SLC25A21: variants seen among roughly 807,000 people sequenced by gnomAD.
The protein encoded by SLC25A21 is mitochondrial 2-oxodicarboxylate carrier.
A neutral mutation model predicts 43.8 loss-of-function variants in SLC25A21; 47 were observed. The observed-to-expected ratio is 1.07, with a 90% CI of 0.85 to 1.37. SLC25A21 has a LOEUF of 1.37. SLC25A21 is among the 40% of genes most tolerant of loss of function. The pLI, the probability that SLC25A21 is intolerant of heterozygous loss-of-function variation, is 0.00. For synonymous variants in SLC25A21, 131 were observed against 121.3 expected, an observed-to-expected ratio of 1.08 and a Z score of -0.52; for missense variants, 352 against 350.2, an observed-to-expected ratio of 1.00 and a Z score of -0.04.
At chr14:36,950,083 G>C (rs1892770561) in intron 1 of SLC25A21, among the ~76,000 whole-genome samples, 1 of 152,194 alleles carries the variant, frequency 6.6e-6, no homozygotes. Context: ...TGTTCTGACA[G>C]AGCATCTTAG....
chr14:36,781,279 C>T (rs548206244), intron 3 of SLC25A21, among the ~76,000 whole-genome samples: 4 of 152,068 alleles, frequency 2.6e-5, no homozygotes, highest in Non-Finnish European at 5.9e-5. Flanking sequence ...TTTTTAAATC[C>T]GTTCAGCCAC....
intron 1 of SLC25A21, among the ~76,000 whole-genome samples, chr14:37,155,889 T>C (rs906373809): frequency 6.6e-6 from 1 of 152,154 alleles, no homozygotes; most frequent in Non-Finnish European, 1.5e-5. Context: ...CCAGCCCTGA[T>C]GGTTCATGCC....
At chr14:36,683,969 A>T in intron 8 of SLC25A21, 89 bp from the exon 9 acceptor site, 2 of 903,194 alleles carry the variant, frequency 2.2e-6, no homozygotes, top group South Asian at 1.7e-5. Context: ...CCCAGCATTT[A>T]AAAAAATAAA....
At chr14:36,863,801 C>G (rs191027609) in intron 2 of SLC25A21, among the ~76,000 whole-genome samples, 1 of 152,214 alleles carries the variant, frequency 6.6e-6, no homozygotes, top group African/African-American at 2.4e-5. Context: ...AGTGGGCGTG[C>G]GTGGAGCACT....
At chr14:36,923,527 A>G (rs1319775131) in intron 1 of SLC25A21, among the ~76,000 whole-genome samples, 1 of 152,184 alleles carries the variant, frequency 6.6e-6, no homozygotes, top group African/African-American at 2.4e-5. Flanking sequence ...GAGTAAATGT[A>G]AAATCATTTT....
At chr14:37,013,953 T>G (rs2138743009) in intron 1 of SLC25A21, among the ~76,000 whole-genome samples, 1 of 152,240 alleles carries the variant, frequency 6.6e-6, no homozygotes, top group South Asian at 2.1e-4. Context: ...TTCTATTAAG[T>G]GTTAAATAGC....
chr14:36,735,930 A>ATTTTTTTTTTTTTTTTTTTTTTT (rs776933723), intron 3 of SLC25A21, among the ~76,000 whole-genome samples: 1 of 84,302 alleles, frequency 1.2e-5, no homozygotes, highest in Non-Finnish European at 2.1e-5. Context: ...TCTGGCCACA[A>ATTTTTTTTTTTTTTTTTTTTTTT]TTTTTTTTTT....
At chr14:37,040,511 G>T (rs1188962468) in intron 1 of SLC25A21, among the ~76,000 whole-genome samples, 3 of 151,914 alleles carry the variant, frequency 2.0e-5, no homozygotes, top group Non-Finnish European at 4.4e-5. Flanking sequence ...ATGGGTAGAG[G>T]GAGCTGACGA....
Position 36,678,775 on chromosome 14 carries a change from C to A in SLC25A21, c.*1883G>T. 1.9e-6 allele frequency: 2 copies of A among 1,068,642 alleles called. No homozygotes were observed. The highest frequency in any genetic ancestry group is 2.3e-6 in the Non-Finnish European group (2 of 874,020). The allele number at this position is 1,068,642 out of a possible 1,614,324, so 66.2% of individuals were successfully genotyped here. A position where few individuals can be genotyped will look rare whatever the true frequency, so the allele number is the denominator to read the frequency against. ...TTCTGGTTCTTGTATTTTAAAAAAT[C>A]TAATATTAATGGTATTGAAGTTTCC... On this transcript the variant is annotated 3_prime_UTR_variant, in exon 10 of 10. Coordinates refer to ENST00000331299, the MANE Select transcript of SLC25A21 (RefSeq NM_030631.4).
At chr14:36,913,999 G>A (rs892943479) in intron 1 of SLC25A21, among the ~76,000 whole-genome samples, 4 of 152,082 alleles carry the variant, frequency 2.6e-5, no homozygotes, top group East Asian at 1.9e-4. Flanking sequence ...ATATAACATC[G>A]AACTATTATA....
At chr14:36,798,699 A>G (rs1160073871) in intron 3 of SLC25A21, among the ~76,000 whole-genome samples, 3 of 152,122 alleles carry the variant, frequency 2.0e-5, no homozygotes, top group Non-Finnish European at 2.9e-5. Context: ...AAAGATGCCG[A>G]TATCTTTTTG....
chr14:36,919,898 T>C (rs893364723), intron 1 of SLC25A21, among the ~76,000 whole-genome samples: 2 of 152,066 alleles, frequency 1.3e-5, no homozygotes, highest in African/African-American at 2.4e-5. Context: ...ATCTTGCCAA[T>C]AAATTTCATT....
At chr14:36,733,171 A>G (rs993533642) in intron 4 of SLC25A21, among the ~76,000 whole-genome samples, 4 of 152,242 alleles carry the variant, frequency 2.6e-5, no homozygotes, top group Non-Finnish European at 5.9e-5. Context: ...TTATCTATAC[A>G]TGTAACTCAC....
chr14:37,100,935 T>C (rs963015208), intron 1 of SLC25A21, among the ~76,000 whole-genome samples: 2 of 152,198 alleles, frequency 1.3e-5, no homozygotes, highest in South Asian at 2.1e-4. Flanking sequence ...TCAATAAATA[T>C]TAGCTATTAT....
intron 1 of SLC25A21, among the ~76,000 whole-genome samples, chr14:36,950,957 C>T (rs1892795185): frequency 6.6e-6 from 1 of 152,122 alleles, no homozygotes; most frequent in Non-Finnish European, 1.5e-5. Context: ...CCCTCCACAA[C>T]TGCTCTCCAG....
rs1332279708 is a variant in SLC25A21 at position 36,830,485 on chromosome 14, G to C, written c.120-16484C>G. On this transcript the variant is annotated intron_variant, in intron 2 of 9. Transcript: ENST00000331299. ...GAGCTTTTTTTTTTCTCTAATTATT[G>C]TTTCCTACTACACTACTAAGTCTTT... 4.0e-5 allele frequency among the ~76,000 whole-genome samples: 6 copies of C among 151,200 alleles called. 1 individual carries two copies. In the South Asian group the frequency reaches 1.3e-3, roughly 32 times the overall value.
chr14:37,145,546 G>C (rs1322866355), intron 1 of SLC25A21, among the ~76,000 whole-genome samples: 1 of 151,622 alleles, frequency 6.6e-6, no homozygotes, highest in Non-Finnish European at 1.5e-5. Flanking sequence ...AGAAAATTAA[G>C]ATTAGGTTGC....
intron 1 of SLC25A21, among the ~76,000 whole-genome samples, chr14:36,954,140 A>G (rs926792055): frequency 1.3e-5 from 2 of 152,250 alleles, no homozygotes; most frequent in Admixed American, 1.3e-4. Context: ...TATCATAGTC[A>G]CTCAGCTGAA....
chr14:36,872,272 TG>T (rs1218217299), intron 2 of SLC25A21, among the ~76,000 whole-genome samples: 1 of 152,198 alleles, frequency 6.6e-6, no homozygotes, highest in Non-Finnish European at 1.5e-5. Context: ...AGTCTTGTTT[TG>T]GGGTTCTATT....
Sources: gnomAD v4.1 joint callset for allele counts (sites outside exome capture counted in the v4.1 genomes callset) on GRCh38, gnomAD v4.1.1 for gene constraint, MANE v1.5 for transcripts, NCBI Gene and HGNC (gene_info 2026-07-23, HGNC 2026-07-21) for gene names.